Variants in KBTBD2 observed in about 807,000 individuals in gnomAD.
KBTBD2 encodes the protein kelch repeat and BTB domain-containing protein 2.
A neutral mutation model predicts 57.1 loss-of-function variants in KBTBD2; 17 were observed. The observed-to-expected ratio is 0.30, with a 90% CI of 0.20 to 0.45. The LOEUF is 0.45. Ranked by LOEUF, KBTBD2 falls within the 20% of genes least tolerant of loss-of-function variation. The pLI, the probability that KBTBD2 is intolerant of heterozygous loss-of-function variation, is 1.00. For missense variants in KBTBD2, 515 were observed against 750.6 expected (o/e 0.69, Z 3.67); for synonymous variants, 267 against 262.7 (o/e 1.02, Z -0.16).
At chr7:32,890,934 T>A (rs1281338616) in intron 1 of KBTBD2, 1 of 152,166 alleles carries the variant, frequency 6.6e-6, no homozygotes, top group Non-Finnish European at 1.5e-5. Flanking sequence ...AAGGAGGTGG[T>A]CGAATTCAAG....
intron 2 of KBTBD2, among the ~76,000 whole-genome samples, chr7:32,875,557 C>A (rs1784291164): frequency 6.6e-6 from 1 of 152,170 alleles, no homozygotes; most frequent in African/African-American, 2.4e-5. Flanking sequence ...CAGGCATGAG[C>A]CACTGTGCCT....
chr7:32,881,565 T>C lies in KBTBD2; in HGVS notation c.-338-1623A>G, dbSNP rs138749585. On this transcript the variant is annotated intron_variant, in intron 1 of 3. Coordinates refer to ENST00000304056, the MANE Select transcript of KBTBD2 (RefSeq NM_015483.3). ...TATTACAGTAACTGCTAACTTGATA[T>C]ACAGTCAAGTTTCCAGCCAAGTTAA... Among the ~76,000 whole-genome samples, 983 of 152,288 alleles carry C rather than the reference T, an allele frequency of 6.5e-3. 13 individuals are homozygous for C. The highest frequency in any genetic ancestry group is 0.022 in the African/African-American group (907 of 41,542).
chr7:32,878,185 A>G (rs535641454), intron 2 of KBTBD2, among the ~76,000 whole-genome samples: 2 of 152,174 alleles, frequency 1.3e-5, no homozygotes, highest in East Asian at 3.9e-4. Context: ...TGCAATCATC[A>G]TGGGATGTGT....
At chr7:32,884,896 G>A (rs1784529105) in intron 1 of KBTBD2, among the ~76,000 whole-genome samples, 1 of 149,598 alleles carries the variant, frequency 6.7e-6, no homozygotes, top group Non-Finnish European at 1.5e-5. Context: ...ACAAGAACAG[G>A]TTACAGGCCA....
chr7:32,880,422 C>T (rs558065229), intron 1 of KBTBD2, among the ~76,000 whole-genome samples: 7 of 152,114 alleles, frequency 4.6e-5, no homozygotes, highest in South Asian at 2.1e-4. Flanking sequence ...TTAAACTATA[C>T]GGTAAATAGA....
Position 32,879,575 on chromosome 7 carries a change from A to G in KBTBD2, c.30T>C (p.Asn10=). 1 of 1,613,576 alleles carries G rather than the reference A, an allele frequency of 6.2e-7. No homozygotes were observed. ...CCAACAATGACACAGCATATTCAGT[A>G]TTGATCTGCCTCTCGTCTTGAGTGG... MSTQDERQI[N]TEYAVSLLEQ... The change falls in exon 2 of 4, where the codon AAT becomes AAC. Residue 10 remains asparagine (N), a synonymous_variant. Transcript: ENST00000304056.
chr7:32,871,182 T>G (rs1784168526), intron 3 of KBTBD2, among the ~76,000 whole-genome samples: 1 of 152,164 alleles, frequency 6.6e-6, no homozygotes, highest in Admixed American at 6.5e-5. Flanking sequence ...AATTCACACA[T>G]AAGTCATACT....
Position 32,871,989 on chromosome 7 carries a change from A to C in KBTBD2, c.337-1109T>G, listed in dbSNP as rs1784191328. Reference sequence around the variant, plus strand: ...GTATTCTGGAATCAGATTTTCTTAAAATTCCTTAATGCCTTAGTAATTCTG... The same window carrying C: ...GTATTCTGGAATCAGATTTTCTTAACATTCCTTAATGCCTTAGTAATTCTG... On this transcript the variant is annotated intron_variant, in intron 3 of 3. Coordinates refer to ENST00000304056, the MANE Select transcript of KBTBD2 (RefSeq NM_015483.3). Among the ~76,000 whole-genome samples, 8 of 152,318 alleles carry C rather than the reference A, an allele frequency of 5.3e-5. No individual in the cohort carries two copies. In the South Asian group the frequency reaches 1.4e-3, roughly 28 times the overall value.
At chr7:32,874,144 AAT>A (rs1329021549) in intron 3 of KBTBD2, among the ~76,000 whole-genome samples, 4 of 152,120 alleles carry the variant, frequency 2.6e-5, no homozygotes, top group African/African-American at 9.7e-5. Context: ...TCATGCCTGT[AAT>A]CCCAGCACTT....
At chr7:32,873,023 G>A (rs9639668) in intron 3 of KBTBD2, among the ~76,000 whole-genome samples, 40,642 of 152,040 alleles carry the variant, frequency 0.27, 5,964 homozygotes, top group African/African-American at 0.38. Context: ...TACTCATTCA[G>A]TGCATATTTA....
In KBTBD2 at chr7:32,868,799, A is replaced by T. The variant is rs1784091557; in HGVS notation, c.*546T>A. The T allele has an allele frequency of 6.5e-6, 1 of 153,520 alleles. No homozygotes were observed. Among genetic ancestry groups the T allele is most frequent in the Non-Finnish European group, 1.5e-5 (1 of 68,664 alleles). The allele number at this position is 153,520 out of a possible 1,614,324, so 9.5% of individuals were successfully genotyped here. A position where few individuals can be genotyped will look rare whatever the true frequency, so the allele number is the denominator to read the frequency against. On this transcript the variant is annotated 3_prime_UTR_variant, in exon 4 of 4. Transcript: ENST00000304056. ...AATAGTATAGTTAGACTGATCCTGC[A>T]GTCATAGCTTTCCCTGTGTAATACC...
chr7:32,874,025 A>G (rs1271887103), intron 3 of KBTBD2, among the ~76,000 whole-genome samples: 1 of 152,122 alleles, frequency 6.6e-6, no homozygotes, highest in African/African-American at 2.4e-5. Flanking sequence ...GGCTTTGAGA[A>G]GCCAATGCAG....
rs959367809 is a variant in KBTBD2 at position 32,869,821 on chromosome 7, C to A, written c.1396G>T (p.Ala466Ser). 1.9e-6 allele frequency: 3 copies of A among 1,613,664 alleles called. No individual in the cohort carries two copies. Among genetic ancestry groups the A allele is most frequent in the Non-Finnish European group, 2.5e-6 (3 of 1,180,028 alleles). Residue 466 changes from alanine (A) to serine (S), a missense_variant, in exon 4 of 4, where the codon GCT becomes TCT. By Grantham distance (99) the Ala-to-Ser change is moderately conservative (BLOSUM62 1). Transcript: ENST00000304056. ...QTSRSFASAA[A>S]FGDKIFYIGG... ...ATATAGAAAATTTTATCACCAAAAG[C>A]TGCAGCTGAAGCAAAGGACCTACTA...
intron 1 of KBTBD2, among the ~76,000 whole-genome samples, chr7:32,885,967 G>A (rs1784571421): frequency 6.7e-6 from 1 of 149,046 alleles, no homozygotes; most frequent in Middle Eastern, 3.2e-3. Flanking sequence ...GGAGTGCAAT[G>A]GTGTGATCTA....
chr7:32,883,770 G>T (rs1784500240), intron 1 of KBTBD2, among the ~76,000 whole-genome samples: 1 of 152,156 alleles, frequency 6.6e-6, no homozygotes, highest in African/African-American at 2.4e-5. Flanking sequence ...TGAATACTAA[G>T]TGCCAATCAT....
At position 32,870,288 on chromosome 7, in the gene KBTBD2, G is replaced by A. The variant is rs1418036053; in HGVS notation, c.929C>T (p.Thr310Ile). The part of the protein sequence containing the change: ...SPPADLHKVG[T>I]VVTPDNDIYI... The stretch of plus-strand genomic sequence containing the variant: ...GATATCATTATCAGGAGTTACAACG[G>A]TCCCAACCTTATGCAAATCAGCTGG... The change falls in exon 4 of 4, where the codon ACC (threonine) becomes ATC (isoleucine). Residue 310 changes from threonine (T) to isoleucine (I), a missense_variant. By Grantham distance (89) the Thr-to-Ile change is moderately conservative. Coordinates refer to ENST00000304056, the MANE Select transcript of KBTBD2 (RefSeq NM_015483.3). The A allele has an allele frequency of 3.7e-6, 6 of 1,613,988 alleles. No individual in the cohort carries two copies. The highest frequency in any genetic ancestry group is 5.1e-6 in the Non-Finnish European group (6 of 1,180,020).
chr7:32,878,110 T>TA (rs75747214), intron 2 of KBTBD2, among the ~76,000 whole-genome samples: 2,809 of 134,406 alleles, frequency 0.021, 54 homozygotes, highest in African/African-American at 0.05. Flanking sequence ...CGACTGTCTT[T>TA]AAAAAAAAAA....
At chr7:32,888,223 TC>T (rs1784630399) in intron 1 of KBTBD2, among the ~76,000 whole-genome samples, 1 of 152,208 alleles carries the variant, frequency 6.6e-6, no homozygotes, top group Non-Finnish European at 1.5e-5. Flanking sequence ...CCTTTTTTTT[TC>T]CTTTTCTCAC....
intron 1 of KBTBD2, among the ~76,000 whole-genome samples, chr7:32,882,499 T>C (rs1285397230): frequency 6.6e-6 from 1 of 152,244 alleles, no homozygotes; most frequent in African/African-American, 2.4e-5. Flanking sequence ...AATTGAAGTC[T>C]GCTTCTAAAA....
Sources: allele counts gnomAD v4.1 joint callset (sites outside exome capture counted in the v4.1 genomes callset), GRCh38; gene constraint gnomAD v4.1.1; transcripts MANE v1.5; gene names NCBI Gene and HGNC (gene_info 2026-07-23, HGNC 2026-07-21).